KLF12: variants seen among roughly 807,000 people sequenced by gnomAD.
KLF12 encodes the protein Krueppel-like factor 12.
Under a neutral mutation model 37.8 loss-of-function variants are expected in KLF12, and 9 were observed. The ratio of observed to expected loss-of-function variants is 0.24; its 90% CI spans 0.14 to 0.42. KLF12 has a LOEUF of 0.42. Among genes scored for constraint, KLF12 ranks in the 10% least tolerant of loss-of-function variants. The probability of loss-of-function intolerance (pLI) is 1.00; values close to 1 mark genes in which losing one functional copy is unlikely to be tolerated. For missense variants in KLF12, 411 were observed against 516.0 expected, an observed-to-expected ratio of 0.80 and a Z score of 1.97; for synonymous variants, 208 against 202.1, an observed-to-expected ratio of 1.03 and a Z score of -0.25.
intron 3 of KLF12, among the ~76,000 whole-genome samples, chr13:73,859,022 C>A (rs934600151): frequency 2.0e-5 from 3 of 152,172 alleles, no homozygotes; most frequent in Admixed American, 2.0e-4. Context: ...GTGTACGGGA[C>A]AAACATTTTT....
the KLF12 span, among the ~76,000 whole-genome samples, chr13:74,169,524 T>C: frequency 6.6e-6 from 1 of 152,220 alleles, no homozygotes; most frequent in Non-Finnish European, 1.5e-5. Context: ...AATAAATCTA[T>C]GTATAAAGAA....
At chr13:74,139,932 T>C in the KLF12 span, among the ~76,000 whole-genome samples, 1 of 152,116 alleles carries the variant, frequency 6.6e-6, no homozygotes, top group Non-Finnish European at 1.5e-5. Context: ...CACTAAAGTT[T>C]ATCTAGTTTG....
the KLF12 span, among the ~76,000 whole-genome samples, chr13:74,256,474 A>G: frequency 3.3e-5 from 5 of 152,090 alleles, no homozygotes; most frequent in African/African-American, 1.2e-4. Context: ...TGTATTAGGG[A>G]CTGGTACAGT....
intron 7 of KLF12, 120 bp from the exon 8 acceptor site, chr13:73,695,791 G>A (rs1478060570): frequency 2.1e-6 from 2 of 959,782 alleles, no homozygotes; most frequent in Admixed American, 2.2e-5. Flanking sequence ...GTAAATCTTT[G>A]TCGGGAAACC....
chr13:73,697,659 T>C (rs1874245257), intron 7 of KLF12, among the ~76,000 whole-genome samples: 1 of 152,150 alleles, frequency 6.6e-6, no homozygotes, highest in South Asian at 2.1e-4. Context: ...AATACATCCA[T>C]CTTTGGTACA....
At chr13:73,741,037 A>G (rs1039815443) in intron 6 of KLF12, among the ~76,000 whole-genome samples, 2 of 152,242 alleles carry the variant, frequency 1.3e-5, no homozygotes, top group Non-Finnish European at 1.5e-5. Context: ...GCATTTTCAC[A>G]TAATACTTTA....
chr13:74,259,243 A>G, the KLF12 span: 1 of 152,258 alleles, frequency 6.6e-6, no homozygotes, highest in Non-Finnish European at 1.5e-5. Flanking sequence ...TAATCCAGGC[A>G]ATAACACTCA....
chr13:73,850,709 A>C (rs1885291454), intron 3 of KLF12, among the ~76,000 whole-genome samples: 1 of 152,208 alleles, frequency 6.6e-6, no homozygotes, highest in Non-Finnish European at 1.5e-5. Context: ...TGGGGCTGAC[A>C]TACATGGGCA....
chr13:74,083,287 C>T (rs1324314099), intron 1 of KLF12, among the ~76,000 whole-genome samples: 5 of 152,128 alleles, frequency 3.3e-5, no homozygotes, highest in South Asian at 2.1e-4. Context: ...CCAAGGCAGG[C>T]GGATCACTTG....
intron 1 of KLF12, among the ~76,000 whole-genome samples, chr13:74,121,544 G>A (rs1877635376): frequency 6.6e-6 from 1 of 152,014 alleles, no homozygotes; most frequent in African/African-American, 2.4e-5. Flanking sequence ...TGTAAGCAAT[G>A]CATATTTTTG....
At chr13:74,136,204 G>T (rs1409735385), upstream of KLF12, among the ~76,000 whole-genome samples, 1 of 152,208 alleles carries the variant, frequency 6.6e-6, no homozygotes, top group Non-Finnish European at 1.5e-5. Context: ...CGCAGCGAGG[G>T]CGTCGGGAAC....
At position 73,915,329 on chromosome 13, in the gene KLF12, A is replaced by G. The variant is rs556919297; in HGVS notation, c.123+28652T>C. Among the ~76,000 whole-genome samples the G allele has an allele frequency of 2.6e-5, 4 of 152,282 alleles. No homozygotes were observed. In the South Asian group the frequency reaches 8.3e-4, roughly 32 times the overall value. On this transcript the variant is annotated intron_variant, in intron 3 of 7. Transcript: ENST00000377669. ...TTTTGCGGATGATAAGGTGACATGC[A>G]CAGGTTCCAGAGATTAGGACATGGA...
chr13:73,729,159 C>G (rs991664978), intron 6 of KLF12, among the ~76,000 whole-genome samples: 1 of 152,212 alleles, frequency 6.6e-6, no homozygotes, highest in Non-Finnish European at 1.5e-5. Context: ...ACTGAATACA[C>G]AGACCTGGCC....
intron 1 of KLF12, among the ~76,000 whole-genome samples, chr13:74,072,131 G>A (rs1487232773): frequency 6.6e-6 from 1 of 151,840 alleles, no homozygotes; most frequent in Non-Finnish European, 1.5e-5. Flanking sequence ...GATGAAGGCA[G>A]ATCAATGCCA....
At chr13:74,142,799 A>AC in the KLF12 span, among the ~76,000 whole-genome samples, 1 of 152,326 alleles carries the variant, frequency 6.6e-6, no homozygotes, top group African/African-American at 2.4e-5. Context: ...CAGTTTCTGT[A>AC]CTTTAGTTCA....
intron 1 of KLF12, among the ~76,000 whole-genome samples, chr13:74,063,072 T>C (rs989931782): frequency 4.6e-5 from 7 of 152,172 alleles, no homozygotes; most frequent in Admixed American, 3.9e-4. Flanking sequence ...TCTCCGAGCT[T>C]CCTCTGTGCC....
the KLF12 span, among the ~76,000 whole-genome samples, chr13:74,238,425 G>A: frequency 7.2e-6 from 1 of 138,490 alleles, no homozygotes. Flanking sequence ...TCTCTGCCTG[G>A]CTTTGGTATC....
At chr13:74,003,145 T>A (rs1892323549) in intron 1 of KLF12, among the ~76,000 whole-genome samples, 1 of 152,192 alleles carries the variant, frequency 6.6e-6, no homozygotes, top group African/African-American at 2.4e-5. Context: ...TAAGATGCCA[T>A]CCTTAGTAAC....
chr13:74,038,256 A>G (rs1893310152), intron 1 of KLF12, among the ~76,000 whole-genome samples: 1 of 152,206 alleles, frequency 6.6e-6, no homozygotes, highest in African/African-American at 2.4e-5. Flanking sequence ...ATTCCTGTGA[A>G]CTTATAACTA....
Sources: allele counts gnomAD v4.1 joint callset (sites outside exome capture counted in the v4.1 genomes callset), GRCh38; gene constraint gnomAD v4.1.1; transcripts MANE v1.5; gene names NCBI Gene and HGNC (gene_info 2026-07-23, HGNC 2026-07-21).